The following AGBL4 variants were observed in gnomAD, a reference collection of about 807,000 sequenced individuals.
AGBL4 encodes AGBL carboxypeptidase 4.
AGBL4 carries 58 observed loss-of-function variants against 66.4 expected under a neutral mutation model. That is an observed-to-expected ratio of 0.87 (90% CI 0.71 to 1.09). AGBL4 has a LOEUF of 1.09. Ranked by LOEUF, AGBL4 falls within the 50% of genes least tolerant of loss-of-function variation. AGBL4 has a pLI of 0.00. For missense variants in AGBL4, 579 were observed against 631.0 expected (o/e 0.92, Z 0.88); for synonymous variants, 234 against 222.9 (o/e 1.05, Z -0.44).
At chr1:49,598,349 T>C (rs1644889028) in intron 3 of AGBL4, among the ~76,000 whole-genome samples, 1 of 152,200 alleles carries the variant, frequency 6.6e-6, no homozygotes, top group Non-Finnish European at 1.5e-5. Context: ...TGTGGTTTTA[T>C]CTACTTTTGG....
chr1:48,841,642 T>C (rs2148796888), intron 6 of AGBL4, among the ~76,000 whole-genome samples: 1 of 151,964 alleles, frequency 6.6e-6, no homozygotes, highest in South Asian at 2.1e-4. Context: ...AACACTATGG[T>C]AATACCCAAG....
At chr1:49,523,065 C>T (rs1466943415) in intron 3 of AGBL4, among the ~76,000 whole-genome samples, 1 of 151,986 alleles carries the variant, frequency 6.6e-6, no homozygotes, top group East Asian at 1.9e-4. Context: ...ACCTGAAATT[C>T]CTTCATTAAG....
At chr1:49,274,863 TA>T (rs1391130935) in intron 3 of AGBL4, among the ~76,000 whole-genome samples, 1 of 152,184 alleles carries the variant, frequency 6.6e-6, no homozygotes, top group Non-Finnish European at 1.5e-5. Flanking sequence ...CTTTTTAATT[TA>T]AAACATTGCT....
chr1:49,639,800 C>T (rs1645746199), intron 3 of AGBL4, among the ~76,000 whole-genome samples: 1 of 151,810 alleles, frequency 6.6e-6, no homozygotes, highest in African/African-American at 2.4e-5. Context: ...GCAATTTTGC[C>T]GGATGAAATC....
At chr1:49,870,283 A>G (rs888764864) in intron 1 of AGBL4, among the ~76,000 whole-genome samples, 2 of 152,144 alleles carry the variant, frequency 1.3e-5, no homozygotes, top group African/African-American at 4.8e-5. Flanking sequence ...ATATAAAGAA[A>G]TGGAATTGAC....
intron 6 of AGBL4, among the ~76,000 whole-genome samples, chr1:48,827,241 T>C (rs1301264251): frequency 6.6e-6 from 1 of 152,228 alleles, no homozygotes; most frequent in Non-Finnish European, 1.5e-5. Context: ...CTCTGCATCT[T>C]TACTGACTAG....
chr1:48,534,260 G>A lies in AGBL4; in HGVS notation c.1425C>T (p.Leu475=), dbSNP rs1417574893. The A allele has an allele frequency of 1.3e-6, 2 of 1,551,462 alleles. No homozygotes were observed. Among genetic ancestry groups the A allele is most frequent in the African/African-American group, 2.7e-5 (2 of 73,002 alleles). ...KEKSPPYKHP[L]LRGPASNYPN... is the part of the protein sequence containing the mutation. Reference sequence around the variant, plus strand: ...GGTAGTTGCTGGCTGGGCCCCGCAGGAGTGGGTGCTTGTAAGGAGGGGATT... The same window carrying A: ...GGTAGTTGCTGGCTGGGCCCCGCAGAAGTGGGTGCTTGTAAGGAGGGGATT... Residue 475 remains leucine (L), a synonymous_variant, in exon 14 of 14, where the codon CTC becomes CTT. Coordinates refer to ENST00000371839, the MANE Select transcript of AGBL4 (RefSeq NM_032785.4).
chr1:49,677,659 G>C (rs1447049230), intron 3 of AGBL4, among the ~76,000 whole-genome samples: 1 of 152,078 alleles, frequency 6.6e-6, no homozygotes, highest in Non-Finnish European at 1.5e-5. Context: ...ACAGTGCCAT[G>C]AACTGAATTG....
At chr1:49,304,107 T>A (rs1644805648) in intron 3 of AGBL4, among the ~76,000 whole-genome samples, 1 of 152,184 alleles carries the variant, frequency 6.6e-6, no homozygotes, top group South Asian at 2.1e-4. Context: ...TTTTTATAGT[T>A]TTGGGTTTTA....
At position 48,723,995 on chromosome 1, in the gene AGBL4, C is replaced by T. The variant is rs149445530; in HGVS notation, c.635-60754G>A. ...CTAGTCAGCATGCACGGGGGAAAGC[C>T]CCCATGTATGGAGAACTATGGGATA... is the stretch of plus-strand genomic sequence containing the variant. On this transcript the variant is annotated intron_variant, in intron 6 of 13. Transcript: ENST00000371839. 5.4e-4 allele frequency among the ~76,000 whole-genome samples: 82 copies of T among 152,292 alleles called. 1 individual carries two copies. In the South Asian group the frequency reaches 0.013, roughly 25 times the overall value.
At chr1:49,845,844 G>A (rs1436975727) in intron 2 of AGBL4, 4 of 1,460,714 alleles carry the variant, frequency 2.7e-6, no homozygotes, top group Non-Finnish European at 2.9e-6. Flanking sequence ...ACTGCAGTCA[G>A]TGTGGGAAGG....
At chr1:49,690,096 T>C (rs901888466) in intron 3 of AGBL4, among the ~76,000 whole-genome samples, 1 of 152,190 alleles carries the variant, frequency 6.6e-6, no homozygotes, top group Non-Finnish European at 1.5e-5. Context: ...GCCAAAAAGA[T>C]TAAGACTCAC....
chr1:50,022,614 CCACACACACACACACACACA>C lies in AGBL4; in HGVS notation c.34+1129_34+1148del, dbSNP rs10588611. Among the ~76,000 whole-genome samples the C allele has an allele frequency of 2.0e-4, 28 of 141,304 alleles. No individual in the cohort carries two copies. The East Asian group carries it at 2.9e-3, about 15-fold the overall frequency. 92.7% of individuals were successfully genotyped at this position (141,304 alleles called of 152,430 possible). On this transcript the variant is annotated intron_variant, in intron 1 of 13. Transcript: ENST00000371839. ...GGGGTGTGGTGTGTATGTACCATAA[CCACACACACACACACACACA>C]CACACACACACACACACACACACAC...
At chr1:49,736,825 A>C (rs1649932132) in intron 2 of AGBL4, among the ~76,000 whole-genome samples, 1 of 152,132 alleles carries the variant, frequency 6.6e-6, no homozygotes, top group Admixed American at 6.5e-5. Context: ...AAGGGAAAAA[A>C]AAAAACTTCA....
rs950924331 is a variant in AGBL4, at chr1:49,020,663, G to A, written c.594+24921C>T. On this transcript the variant is annotated intron_variant, in intron 5 of 13. Transcript: ENST00000371839. ...GAGCCTGAGGTAAGGGCAGCCAGATGAGCCTTTACCCACTTAGAGATAACT... is the reference window on the plus strand; with the variant it reads ...GAGCCTGAGGTAAGGGCAGCCAGATAAGCCTTTACCCACTTAGAGATAACT... Among the ~76,000 whole-genome samples, 7 of 152,244 alleles carry A rather than the reference G, an allele frequency of 4.6e-5. No homozygotes were observed. In the East Asian group the frequency reaches 1.4e-3, roughly 29 times the overall value.
At chr1:49,161,300 G>A (rs1025083127) in intron 4 of AGBL4, among the ~76,000 whole-genome samples, 1 of 152,152 alleles carries the variant, frequency 6.6e-6, no homozygotes, top group Non-Finnish European at 1.5e-5. Flanking sequence ...CCTTGGTTAG[G>A]AGAGGGAGTT....
intron 3 of AGBL4, among the ~76,000 whole-genome samples, chr1:49,671,333 T>C (rs1297843367): frequency 6.6e-6 from 1 of 152,088 alleles, no homozygotes; most frequent in Non-Finnish European, 1.5e-5. Context: ...AAAAATCAAC[T>C]TGAGATGCAT....
chr1:48,722,702 T>A (rs1228508187), intron 6 of AGBL4, among the ~76,000 whole-genome samples: 1 of 152,190 alleles, frequency 6.6e-6, no homozygotes, highest in African/African-American at 2.4e-5. Context: ...AATATTACCT[T>A]ACTGAGCCTT....
intron 3 of AGBL4, among the ~76,000 whole-genome samples, chr1:49,537,650 C>T (rs921395878): frequency 4.6e-5 from 7 of 152,152 alleles, no homozygotes; most frequent in Admixed American, 1.3e-4. Flanking sequence ...GCAGGCTGGG[C>T]ATGGTGGCTC....
Sources: gnomAD v4.1 joint callset for allele counts (sites outside exome capture counted in the v4.1 genomes callset) on GRCh38, gnomAD v4.1.1 for gene constraint, MANE v1.5 for transcripts, NCBI Gene and HGNC (gene_info 2026-07-23, HGNC 2026-07-21) for gene names.